Variants in INPP4B observed in about 807,000 individuals in gnomAD.
The protein encoded by INPP4B is inositol polyphosphate 4-phosphatase type II.
Under a neutral mutation model 122.5 loss-of-function variants are expected in INPP4B, and 55 were observed. The observed-to-expected ratio is 0.45, with a 90% CI of 0.36 to 0.56. The LOEUF (loss-of-function observed/expected upper bound fraction) is 0.56, where lower values mean the gene tolerates loss of function less well. INPP4B is among the 20% of genes least tolerant of loss of function. The pLI is 0.00. For missense variants in INPP4B, 1,000 were observed against 1,097.7 expected (o/e 0.91, Z 1.26); for synonymous variants, 403 against 388.7 (o/e 1.04, Z -0.43).
intron 7 of INPP4B, among the ~76,000 whole-genome samples, chr4:142,384,326 C>A (rs1000031264): frequency 2.0e-5 from 3 of 152,120 alleles, no homozygotes; most frequent in South Asian, 2.1e-4. Flanking sequence ...CTGAGAAATG[C>A]GTCATTAGGA....
At chr4:142,682,259 A>ATCTCTCCCTC (rs372995138) in intron 2 of INPP4B, among the ~76,000 whole-genome samples, 1 of 151,276 alleles carries the variant, frequency 6.6e-6, no homozygotes, top group Non-Finnish European at 1.5e-5. Context: ...AAGAATCTTA[A>ATCTCTCCCTC]TCTCTCCCTC....
At chr4:142,055,562 TAACTC>T (rs1757178139) in intron 25 of INPP4B, among the ~76,000 whole-genome samples, 1 of 152,152 alleles carries the variant, frequency 6.6e-6, no homozygotes, top group African/African-American at 2.4e-5. Context: ...ATGTTTGAGT[TAACTC>T]AAAGGACTTT....
In INPP4B at chr4:142,757,326, T is replaced by A. The variant is rs1212730688; in HGVS notation, c.-253-31425A>T. Among the ~76,000 whole-genome samples the A allele has an allele frequency of 2.6e-5, 4 of 152,256 alleles. No homozygotes were observed. In the East Asian group the frequency reaches 7.7e-4, roughly 29 times the overall value. On this transcript the variant is annotated intron_variant, in intron 1 of 25. Transcript: ENST00000262992. The stretch of plus-strand genomic sequence containing the variant: ...AGTCCATAGCTTACTATGGGTTTGT[T>A]CTTGATGTACATTCTATGGGTTTTG...
intron 14 of INPP4B, among the ~76,000 whole-genome samples, chr4:142,199,044 TCA>T (rs1839602473): frequency 6.6e-6 from 1 of 152,088 alleles, no homozygotes; most frequent in African/African-American, 2.4e-5. Flanking sequence ...CATATCTTTA[TCA>T]GAGTATTAGT....
chr4:142,155,912 C>T (rs72935220), intron 17 of INPP4B, among the ~76,000 whole-genome samples: 14 of 149,990 alleles, frequency 9.3e-5, no homozygotes, highest in African/African-American at 3.4e-4. Context: ...GCTATTGTTT[C>T]TAAAGTCTAT....
intron 15 of INPP4B, among the ~76,000 whole-genome samples, chr4:142,174,644 A>G (rs1029513752): frequency 2.0e-5 from 3 of 151,574 alleles, no homozygotes; most frequent in African/African-American, 7.3e-5. Flanking sequence ...TTTTTTTAAG[A>G]GACAGGATCT....
intron 7 of INPP4B, among the ~76,000 whole-genome samples, chr4:142,390,736 T>C (rs762934650): frequency 6.6e-6 from 1 of 152,248 alleles, no homozygotes; most frequent in Non-Finnish European, 1.5e-5. Flanking sequence ...ATCATAATTA[T>C]AGTTACTATG....
intron 2 of INPP4B, among the ~76,000 whole-genome samples, chr4:142,718,464 A>G (rs1224363679): frequency 6.6e-6 from 1 of 152,168 alleles, no homozygotes; most frequent in Admixed American, 6.5e-5. Flanking sequence ...CCCCTTCTAG[A>G]GAGTTAAGTA....
intron 2 of INPP4B, among the ~76,000 whole-genome samples, chr4:142,622,000 A>G (rs1348318253): frequency 1.3e-5 from 2 of 151,968 alleles, no homozygotes; most frequent in African/African-American, 4.8e-5. Context: ...TACAGTAAGT[A>G]AATTGAAAAT....
rs72941158 is a variant in INPP4B at position 142,333,875 on chromosome 4, G to T, written c.373-19113C>A. Among the ~76,000 whole-genome samples, 392 of 152,108 alleles carry T rather than the reference G, an allele frequency of 2.6e-3. 1 individual carries two copies. Among genetic ancestry groups the T allele is most frequent in the African/African-American group, 9.1e-3 (379 of 41,470 alleles). ...ACCTTAGTTACCTTTTTGTGTGTGC[G>T]ATGAGAGCATTCAAGATCTACTCTC... On this transcript the variant is annotated intron_variant, in intron 7 of 25. Transcript: ENST00000262992.
chr4:142,100,218 G>T (rs986742043), intron 23 of INPP4B, among the ~76,000 whole-genome samples: 8 of 152,132 alleles, frequency 5.3e-5, no homozygotes, highest in African/African-American at 1.9e-4. Flanking sequence ...GCAATGAGGA[G>T]CCAGAGTGAG....
At chr4:142,311,892 TAAGA>T (rs1315988467) in intron 8 of INPP4B, among the ~76,000 whole-genome samples, 1 of 152,170 alleles carries the variant, frequency 6.6e-6, no homozygotes, top group Non-Finnish European at 1.5e-5. Flanking sequence ...TGCAATTCTC[TAAGA>T]AAGAAGGACC....
intron 2 of INPP4B, among the ~76,000 whole-genome samples, chr4:142,526,909 A>C (rs1826995807): frequency 6.6e-6 from 1 of 152,076 alleles, no homozygotes; most frequent in Admixed American, 6.6e-5. Flanking sequence ...ATCTGCAATG[A>C]AAAAGCTTTA....
intron 25 of INPP4B, among the ~76,000 whole-genome samples, chr4:142,048,143 A>G (rs1752565516): frequency 6.6e-6 from 1 of 152,100 alleles, no homozygotes; most frequent in Admixed American, 6.6e-5. Flanking sequence ...ATTAGGTACT[A>G]TGTCCAAACT....
chr4:142,174,614 C>A (rs568965984), intron 15 of INPP4B, among the ~76,000 whole-genome samples: 1 of 131,758 alleles, frequency 7.6e-6, no homozygotes, highest in Non-Finnish European at 1.7e-5. Context: ...TGATTATTAA[C>A]TAAAGAATTA....
intron 2 of INPP4B, among the ~76,000 whole-genome samples, chr4:142,547,448 T>C (rs143596216): frequency 4.6e-5 from 7 of 152,218 alleles, no homozygotes; most frequent in Non-Finnish European, 1.0e-4. Flanking sequence ...ACATAAATAT[T>C]TATGAGTGGC....
chr4:142,067,666 G>A (rs965348860), intron 25 of INPP4B, among the ~76,000 whole-genome samples: 11 of 152,104 alleles, frequency 7.2e-5, no homozygotes, highest in South Asian at 2.1e-4. Flanking sequence ...ACCATGGCAC[G>A]AGAAGTACGC....
At chr4:142,401,565 T>A (rs546109915) in intron 7 of INPP4B, among the ~76,000 whole-genome samples, 3 of 152,340 alleles carry the variant, frequency 2.0e-5, no homozygotes, top group Admixed American at 2.0e-4. Context: ...TTACTATTTA[T>A]AAGAAAGCAT....
chr4:142,382,903 G>T (rs2148879853), intron 7 of INPP4B, among the ~76,000 whole-genome samples: 1 of 151,532 alleles, frequency 6.6e-6, no homozygotes, highest in Admixed American at 6.6e-5. Flanking sequence ...GATGATAGTG[G>T]TTAACTTAGT....
Sources: gnomAD v4.1 joint callset for allele counts (sites outside exome capture counted in the v4.1 genomes callset) on GRCh38, gnomAD v4.1.1 for gene constraint, MANE v1.5 for transcripts, NCBI Gene and HGNC (gene_info 2026-07-23, HGNC 2026-07-21) for gene names.